Variants in ADAMTS9 observed in about 807,000 individuals in gnomAD.
ADAMTS9 encodes ADAM metallopeptidase with thrombospondin type 1 motif 9, also known as A disintegrin and metalloproteinase with thrombospondin motifs 9.
Under a neutral mutation model 257.1 loss-of-function variants are expected in ADAMTS9, and 107 were observed. The ratio of observed to expected loss-of-function variants is 0.42; its 90% CI spans 0.36 to 0.49. The LOEUF is 0.49. ADAMTS9 is among the 20% of genes least tolerant of loss of function. The pLI, the probability that ADAMTS9 is intolerant of heterozygous loss-of-function variation, is 0.03. For missense variants in ADAMTS9, 2,353 were observed against 2,469.1 expected, an observed-to-expected ratio of 0.95 and a Z score of 1.00; for synonymous variants, 982 against 880.9, an observed-to-expected ratio of 1.11 and a Z score of -2.03.
rs1701945533 is a variant in ADAMTS9, at chr3:64,687,391, G to A, written c.115+152C>T. 1.4e-6 allele frequency: 1 copy of A among 705,534 alleles called. No individual in the cohort carries two copies. Among genetic ancestry groups the A allele is most frequent in the Non-Finnish European group, 2.2e-6 (1 of 446,584 alleles). The allele number at this position is 705,534 out of a possible 1,614,324, so 43.7% of individuals were successfully genotyped here. ...TGTCCCTCCCTAGCAATTGGTTGGG[G>A]ATGACCCAAAGAAGGGAGAGGCTGC... On this transcript the variant is annotated intron_variant, in intron 1 of 39. Coordinates refer to ENST00000498707, the MANE Select transcript of ADAMTS9 (RefSeq NM_182920.2). The surrounding 1 kb of genome is among the most constrained non-coding windows in gnomAD (Gnocchi z 4.4).
At chr3:64,629,127 C>T (rs1353282531) in intron 16 of ADAMTS9, among the ~76,000 whole-genome samples, 1 of 152,164 alleles carries the variant, frequency 6.6e-6, no homozygotes, top group Non-Finnish European at 1.5e-5. Context: ...CAGAATCTAA[C>T]TACATACTGC....
intron 23 of ADAMTS9, among the ~76,000 whole-genome samples, chr3:64,606,587 A>G (rs549542424): frequency 2.6e-4 from 40 of 152,320 alleles, no homozygotes; most frequent in African/African-American, 7.9e-4. Flanking sequence ...AAATTTATCA[A>G]TTGGCTCTTG....
At chr3:64,530,608 T>TG in intron 38 of ADAMTS9, among the ~76,000 whole-genome samples, 1 of 151,788 alleles carries the variant, frequency 6.6e-6, no homozygotes, top group Middle Eastern at 3.4e-3. Flanking sequence ...CCAAAAGTCT[T>TG]GGGGAACAGC....
At chr3:64,661,260 CA>C (rs1465096820) in intron 3 of ADAMTS9, among the ~76,000 whole-genome samples, 4 of 150,958 alleles carry the variant, frequency 2.6e-5, no homozygotes, top group Non-Finnish European at 5.9e-5. Context: ...ATATGTATAC[CA>C]ATGCCAATAA....
At chr3:64,556,985 A>G (rs1489213419) in intron 30 of ADAMTS9, among the ~76,000 whole-genome samples, 1 of 152,214 alleles carries the variant, frequency 6.6e-6, no homozygotes, top group East Asian at 1.9e-4. Context: ...CTGATAACAT[A>G]GATGAGAAAA....
intron 38 of ADAMTS9, among the ~76,000 whole-genome samples, chr3:64,529,614 G>A (rs925699128): frequency 6.6e-6 from 1 of 152,198 alleles, no homozygotes; most frequent in Non-Finnish European, 1.5e-5. Context: ...ACAGGATATG[G>A]CACAATTCTT....
In ADAMTS9 at chr3:64,603,904, A is replaced by G. The variant is rs569925161; in HGVS notation, c.3747+18T>C. 3 of 1,612,796 alleles carry G rather than the reference A, an allele frequency of 1.9e-6. No homozygotes were observed. The highest frequency in any genetic ancestry group is 2.2e-5 in the South Asian group (2 of 90,914). On this transcript the variant is annotated intron_variant, in intron 25 of 39. Transcript: ENST00000498707. ...GTTTCCCCCATTCCCCCTAATTCCA[A>G]ATAATCCACTGGCTTACAGAGCTCC...
rs752274322 is a variant in ADAMTS9, at chr3:64,602,107, T to C, written c.3854A>G (p.Glu1285Gly). 6.2e-7 allele frequency: 1 copy of C among 1,614,008 alleles called. No homozygotes were observed. The highest frequency in any genetic ancestry group is 8.5e-7 in the Non-Finnish European group (1 of 1,180,010). ...RSECDQDYIPETDQDCSMSPC... is the reference protein window; with the variant it reads ...RSECDQDYIPGTDQDCSMSPC... ...TGACATGGAACAGTCCTGGTCAGTT[T>C]CTGGGATATAATCCTGGTCACACTC... The change falls in exon 26 of 40, where the codon GAA (glutamate) becomes GGA (glycine). Residue 1285 changes from glutamate (E) to glycine (G), a missense_variant. Around this residue, in one of 3 missense-constraint regions of ADAMTS9, gnomAD observed 1,402 missense variants for 1,441.4 expected, o/e 0.97. Coordinates refer to ENST00000498707, the MANE Select transcript of ADAMTS9 (RefSeq NM_182920.2).
At chr3:64,615,078 A>T (rs2084736209) in intron 21 of ADAMTS9, 2 of 393,754 alleles carry the variant, frequency 5.1e-6, no homozygotes, top group Non-Finnish European at 4.5e-6. Flanking sequence ...AAATCACAAC[A>T]GAAGCTACAA....
chr3:64,551,514 C>G (rs900719808), intron 30 of ADAMTS9, among the ~76,000 whole-genome samples: 24 of 152,128 alleles, frequency 1.6e-4, no homozygotes, highest in Non-Finnish European at 3.4e-4. Context: ...CGGCCGAGAA[C>G]TCCTCATTTT....
intron 28 of ADAMTS9, among the ~76,000 whole-genome samples, chr3:64,579,253 C>A (rs1472203461): frequency 1.3e-5 from 2 of 152,148 alleles, no homozygotes; most frequent in African/African-American, 4.8e-5. Flanking sequence ...CGCTTTCAGG[C>A]CTTAACCTGT....
intron 3 of ADAMTS9, among the ~76,000 whole-genome samples, chr3:64,664,370 T>A (rs1207842420): frequency 6.6e-6 from 1 of 152,176 alleles, no homozygotes; most frequent in African/African-American, 2.4e-5. Flanking sequence ...ATGGCCACCA[T>A]CTAACTTTAG....
intron 3 of ADAMTS9, among the ~76,000 whole-genome samples, chr3:64,679,340 C>T (rs192325143): frequency 3.5e-4 from 54 of 152,220 alleles, no homozygotes; most frequent in African/African-American, 1.3e-3. Context: ...CGGAATAAGA[C>T]AGAGAAACAT....
At chr3:64,660,088 T>C (rs1701187308) in intron 3 of ADAMTS9, among the ~76,000 whole-genome samples, 1 of 152,196 alleles carries the variant, frequency 6.6e-6, no homozygotes, top group Non-Finnish European at 1.5e-5. Context: ...AAATATACTT[T>C]GAGTAAAAAC....
intron 39 of ADAMTS9, chr3:64,521,542 G>GT (rs1343384402): frequency 1.3e-5 from 2 of 152,058 alleles, no homozygotes; most frequent in Non-Finnish European, 2.9e-5. Flanking sequence ...ATCAACCTAG[G>GT]TACCGATTAA....
At chr3:64,666,998 C>T (rs1281473646) in intron 3 of ADAMTS9, among the ~76,000 whole-genome samples, 4 of 152,162 alleles carry the variant, frequency 2.6e-5, no homozygotes, top group Non-Finnish European at 4.4e-5. Context: ...ATCAACCAAA[C>T]AAATAATAGT....
At chr3:64,674,102 A>T (rs1028603992) in intron 3 of ADAMTS9, among the ~76,000 whole-genome samples, 27 of 150,838 alleles carry the variant, frequency 1.8e-4, no homozygotes, top group East Asian at 3.9e-4. Context: ...GTTTTTTTTT[A>T]AAAAAAAAGG....
At position 64,633,473 on chromosome 3, in the gene ADAMTS9, C is replaced by T. The variant is rs776234703; in HGVS notation, c.2174G>A (p.Arg725Gln). The change falls in exon 14 of 40, where the codon CGG becomes CAG. Residue 725 changes from arginine to glutamine, a missense_variant and splice_region_variant. This residue lies in a region of ADAMTS9 where 360 missense variants were observed against 458.1 expected (regional missense o/e 0.79). Transcript: ENST00000498707. ...TNDICVQGLC[R>Q]QAGCDHVLNS... is the part of the protein sequence containing the mutation. ...AAGAAAACACCATCAAGGACTTACC[C>T]GGCAAAGGCCCTGGACACAGATATC... 1.1e-5 allele frequency: 17 copies of T among 1,613,906 alleles called. No homozygotes were observed. The highest frequency in any genetic ancestry group is 4.5e-5 in the East Asian group (2 of 44,846).
intron 38 of ADAMTS9, among the ~76,000 whole-genome samples, chr3:64,529,877 G>A (rs2082954760): frequency 6.6e-6 from 1 of 151,914 alleles, no homozygotes; most frequent in South Asian, 2.1e-4. Flanking sequence ...GGAGTACAGT[G>A]GTACAATAAT....
Sources: allele counts gnomAD v4.1 joint callset (sites outside exome capture counted in the v4.1 genomes callset), GRCh38; gene constraint gnomAD v4.1.1; regional missense constraint gnomAD v4.1.1; non-coding constraint Gnocchi (gnomAD v3.1); transcripts MANE v1.5; gene names NCBI Gene and HGNC (gene_info 2026-07-23, HGNC 2026-07-21).